Variants in BTD observed in about 807,000 individuals in gnomAD.
BTD encodes biocytinase.
BTD carries 13 observed loss-of-function variants against 17.7 expected under a neutral mutation model. The observed-to-expected ratio is 0.74, with a 90% CI of 0.48 to 1.17. BTD has a LOEUF of 1.17. BTD is among the 50% of genes most tolerant of loss of function. BTD has a pLI of 0.00. For synonymous variants in BTD, 240 were observed against 245.2 expected, an observed-to-expected ratio of 0.98 and a Z score of 0.20; for missense variants, 674 against 650.4, an observed-to-expected ratio of 1.04 and a Z score of -0.39.
At chr3:15,677,174 A>C (rs1285008257) in intron 3 of BTD, 5 of 801,494 alleles carry the variant, frequency 6.2e-6, no homozygotes, top group African/African-American at 1.7e-5. Flanking sequence ...TATACCATGA[A>C]TTTTCCTGGC....
At chr3:15,660,999 G>T (rs1441658233) in intron 3 of BTD, among the ~76,000 whole-genome samples, 1 of 151,966 alleles carries the variant, frequency 6.6e-6, no homozygotes, top group African/African-American at 2.4e-5. Context: ...GGCATGGTGG[G>T]TCATGCCTGT....
upstream of BTD, chr3:15,601,576 C>T (rs1430373640): frequency 3.8e-6 from 6 of 1,595,402 alleles, no homozygotes; most frequent in Non-Finnish European, 5.1e-6. Context: ...CTCTGACGGA[C>T]AGGAGGGCAA....
intron 3 of BTD, chr3:15,684,103 C>T (rs1391096680): frequency 6.6e-6 from 1 of 152,166 alleles, no homozygotes; most frequent in Non-Finnish European, 1.5e-5. Flanking sequence ...AATTTCTCTA[C>T]TAAAGCCTGA....
At chr3:15,686,003 C>A in intron 3 of BTD, 1 of 1,612,072 alleles carries the variant, frequency 6.2e-7, no homozygotes, top group Non-Finnish European at 8.5e-7. Context: ...TCTGCTTACC[C>A]CTCTATGCAA....
chr3:15,707,505 G>A (rs930670762), intron 3 of BTD, among the ~76,000 whole-genome samples: 2 of 152,148 alleles, frequency 1.3e-5, no homozygotes, highest in Non-Finnish European at 2.9e-5. Context: ...TTGCAAATCT[G>A]AACTGTCTAC....
At position 15,675,927 on chromosome 3, in the gene BTD, C is replaced by T. The variant is rs774110117; in HGVS notation, c.399+33870C>T. Reference sequence around the variant, plus strand: ...TTCATCTACTGCAAGCACACTTGCTCCTTTTCCCAAAAGTTCCTGAACCAC... The same window carrying T: ...TTCATCTACTGCAAGCACACTTGCTTCTTTTCCCAAAAGTTCCTGAACCAC... On this transcript the variant is annotated intron_variant, in intron 3 of 3. Coordinates refer to the BTD transcript ENST00000672141. 5.6e-6 allele frequency: 9 copies of T among 1,612,942 alleles called. No individual in the cohort carries two copies. The highest frequency in any genetic ancestry group is 4.0e-5 in the African/African-American group (3 of 74,930).
downstream of BTD, among the ~76,000 whole-genome samples, chr3:15,658,321 G>A (rs1352346993): frequency 2.0e-5 from 3 of 152,206 alleles, no homozygotes; most frequent in Admixed American, 2.0e-4. Flanking sequence ...CGTGGAACAT[G>A]TGTTTCAGCC....
intron 1 of BTD, among the ~76,000 whole-genome samples, chr3:15,633,659 G>A (rs1413290543): frequency 2.0e-5 from 3 of 152,138 alleles, no homozygotes; most frequent in Non-Finnish European, 4.4e-5. Context: ...CCCCACTGGG[G>A]ACTGGTTCAT....
intron 3 of BTD, chr3:15,694,893 A>G (rs2069318080): frequency 1.5e-6 from 2 of 1,317,140 alleles, no homozygotes; most frequent in Non-Finnish European, 2.2e-6. Flanking sequence ...GTTCAAATCC[A>G]CCTTAGAGTA....
chr3:15,674,949 G>C (rs968645255), intron 3 of BTD, among the ~76,000 whole-genome samples: 2 of 152,036 alleles, frequency 1.3e-5, no homozygotes, highest in Admixed American at 6.6e-5. Context: ...GGGGGAGAAG[G>C]CCTGACTATA....
intron 3 of BTD, among the ~76,000 whole-genome samples, chr3:15,689,152 A>C (rs2068490804): frequency 1.3e-5 from 2 of 152,212 alleles, no homozygotes; most frequent in South Asian, 4.1e-4. Context: ...AGCTCTTGGT[A>C]ATCTCCTTGG....
At chr3:15,666,932 C>T (rs2066007945) in intron 3 of BTD, among the ~76,000 whole-genome samples, 2 of 152,190 alleles carry the variant, frequency 1.3e-5, no homozygotes, top group Admixed American at 6.5e-5. Context: ...TTAATCTCTA[C>T]CTCAATTACA....
Position 15,645,321 on chromosome 3 carries a change from A to G in BTD, c.1405A>G (p.Asn469Asp). Residue 469 changes from asparagine (N) to aspartate (D), a missense_variant, in exon 4 of 4, where the codon AAC (asparagine) becomes GAC (aspartate). By Grantham distance (23) the Asn-to-Asp change is conservative (BLOSUM62 1). Transcript: ENST00000643237. ...TGIFEFHLWGNFSTSYIFPLF... is the reference protein window; with the variant it reads ...TGIFEFHLWGDFSTSYIFPLF... ...GATATTTGAGTTTCACCTGTGGGGC[A>G]ACTTCAGTACTTCCTATATCTTTCC... 1.2e-6 allele frequency: 2 copies of G among 1,614,222 alleles called. No homozygotes were observed. Among genetic ancestry groups the G allele is most frequent in the Non-Finnish European group, 1.7e-6 (2 of 1,180,042 alleles).
chr3:15,620,989 T>G (rs117185716), intron 1 of BTD, among the ~76,000 whole-genome samples: 3,921 of 152,342 alleles, frequency 0.026, 238 homozygotes, highest in Admixed American at 0.13. Context: ...GGGCTGCTGG[T>G]GCAAGTCCTG....
rs143733375 is a variant in BTD at position 15,675,332 on chromosome 3, G to T, written c.399+33275G>T. On this transcript the variant is annotated intron_variant, in intron 3 of 3. Coordinates refer to the BTD transcript ENST00000672141. Reference sequence around the variant, plus strand: ...AGAATGAGAGGAATAACTGCGGACAGCAAGAGAGTAGTTTTGCTGCAAAAG... The same window carrying T: ...AGAATGAGAGGAATAACTGCGGACATCAAGAGAGTAGTTTTGCTGCAAAAG... Among the ~76,000 whole-genome samples the T allele has an allele frequency of 5.6e-3, 858 of 152,310 alleles. 6 individuals are homozygous for T. The highest frequency in any genetic ancestry group is 8.0e-3 in the Non-Finnish European group (545 of 68,016).
intron 3 of BTD, chr3:15,677,670 A>C (rs1042084870): frequency 1.5e-6 from 1 of 686,892 alleles, no homozygotes; most frequent in Non-Finnish European, 2.4e-6. Context: ...TCCCTCTCAC[A>C]AAAACTTAAG....
chr3:15,706,046 A>AC (rs2071327377), intron 3 of BTD, among the ~76,000 whole-genome samples: 1 of 95,434 alleles, frequency 1.0e-5, no homozygotes, highest in Non-Finnish European at 2.4e-5. Flanking sequence ...ACAAAAACAA[A>AC]CAAAAAACCC....
At chr3:15,717,464 T>A (rs1203084220), downstream of BTD, among the ~76,000 whole-genome samples, 2 of 151,694 alleles carry the variant, frequency 1.3e-5, no homozygotes, top group African/African-American at 2.4e-5. Flanking sequence ...GGAGAAACAA[T>A]GTGGAGTTTT....
chr3:15,685,358 T>C (rs943125316), intron 3 of BTD: 2 of 1,614,022 alleles, frequency 1.2e-6, no homozygotes, highest in South Asian at 1.1e-5. Context: ...GACAGGTGTA[T>C]AGGCGTCCGG....
Sources: allele counts gnomAD v4.1 joint callset (sites outside exome capture counted in the v4.1 genomes callset), GRCh38; gene constraint gnomAD v4.1.1; transcripts MANE v1.5; gene names NCBI Gene and HGNC (gene_info 2026-07-23, HGNC 2026-07-21).